Variants in NOP14 observed in about 807,000 individuals in gnomAD.
NOP14 encodes nucleolar protein 14.
Under a neutral mutation model 101.6 loss-of-function variants are expected in NOP14, and 57 were observed. The observed-to-expected ratio is 0.56, with a 90% CI of 0.45 to 0.70. NOP14 has a LOEUF of 0.70. Ranked by LOEUF, NOP14 falls within the 30% of genes least tolerant of loss-of-function variation. The probability of loss-of-function intolerance (pLI) is 0.00; values close to 1 mark genes in which losing one functional copy is unlikely to be tolerated. For missense variants in NOP14, 1,134 were observed against 1,075.5 expected, an observed-to-expected ratio of 1.05 and a Z score of -0.76; for synonymous variants, 428 against 424.0, an observed-to-expected ratio of 1.01 and a Z score of -0.12.
intron 17 of NOP14, 114 bp from the exon 18 acceptor site, chr4:2,939,044 C>T: frequency 1.3e-6 from 2 of 1,484,390 alleles, no homozygotes; most frequent in South Asian, 1.2e-5. Flanking sequence ...TCAGTTCAAA[C>T]AGGGGGAAGT....
Position 2,942,314 on chromosome 4 carries a change from C to T in NOP14, c.1929G>A (p.Lys643=). The T allele has an allele frequency of 6.2e-7, 1 of 1,614,140 alleles. No individual in the cohort carries two copies. The highest frequency in any genetic ancestry group is 1.1e-5 in the South Asian group (1 of 91,076). ...TLVHPFRALG[K]NSELLVVSAR... ...CAGACACCACGAGCAGTTCCGAGTT[C>T]TTCCCAAGCGCTCTGAAAGGGTGCA... The change falls in exon 14 of 18, where the codon AAG becomes AAA. Residue 643 remains lysine (K), a synonymous_variant. Transcript: ENST00000416614.
chr4:2,960,172 G>A (rs1182711674), intron 1 of NOP14, among the ~76,000 whole-genome samples: 4 of 151,876 alleles, frequency 2.6e-5, no homozygotes, highest in African/African-American at 4.8e-5. Context: ...GGGTTTCACC[G>A]TGTTGCCCAG....
Position 2,949,981 on chromosome 4 carries a change from T to C in NOP14, c.1235A>G (p.Glu412Gly), listed in dbSNP as rs933835892. Reference sequence around the variant, plus strand: ...GTCTCTGGTAGCTTTTCCAGCTCTTTCCTTGCCGCTTATCAACCCTTTCCC... The same window carrying C: ...GTCTCTGGTAGCTTTTCCAGCTCTTCCCTTGCCGCTTATCAACCCTTTCCC... ...TPGKGLISGKERAGKATRDEL... is the reference protein window; with the variant it reads ...TPGKGLISGKGRAGKATRDEL... Residue 412 changes from glutamate to glycine, a missense_variant, in exon 8 of 18, where the codon GAA becomes GGA. By Grantham distance (98) the Glu-to-Gly change is moderately conservative. Coordinates refer to ENST00000416614, the MANE Select transcript of NOP14 (RefSeq NM_001291978.2). 2 of 1,613,940 alleles carry C rather than the reference T, an allele frequency of 1.2e-6. No individual in the cohort carries two copies. The highest frequency in any genetic ancestry group is 2.7e-5 in the African/African-American group (2 of 74,868).
At chr4:2,960,652 T>C (rs951337755) in intron 1 of NOP14, among the ~76,000 whole-genome samples, 57 of 146,570 alleles carry the variant, frequency 3.9e-4, no homozygotes, top group African/African-American at 1.3e-3. Flanking sequence ...ATTAATATAG[T>C]TACTATATAT....
chr4:2,938,376 T>C lies in NOP14; in HGVS notation c.*455A>G, dbSNP rs775543058. 2.9e-4 allele frequency: 121 copies of C among 412,766 alleles called. No homozygotes were observed. Among genetic ancestry groups the C allele is most frequent in the African/African-American group, 1.2e-3 (58 of 47,452 alleles). 25.6% of individuals were successfully genotyped at this position (412,766 alleles called of 1,614,324 possible). A position where few individuals can be genotyped will look rare whatever the true frequency, so the allele number is the denominator to read the frequency against. On this transcript the variant is annotated 3_prime_UTR_variant, in exon 18 of 18. Coordinates refer to ENST00000416614, the MANE Select transcript of NOP14 (RefSeq NM_001291978.2). ...TCTCTACTAAAAATACAAAATTAGC[T>C]GGGCGTGGTGGCACATGTCTGTAAT...
intron 13 of NOP14, among the ~76,000 whole-genome samples, chr4:2,943,734 A>C (rs1487122804): frequency 1.3e-5 from 2 of 152,274 alleles, no homozygotes; most frequent in Non-Finnish European, 2.9e-5. Flanking sequence ...CAAATACCAA[A>C]ATATTATGAT....
intron 6 of NOP14, among the ~76,000 whole-genome samples, chr4:2,951,834 G>A (rs540139654): frequency 6.6e-6 from 1 of 152,226 alleles, no homozygotes; most frequent in African/African-American, 2.4e-5. Flanking sequence ...GGGGCCAGGC[G>A]CGGTGGCTCA....
In NOP14 at chr4:2,945,146, G is replaced by A; in HGVS notation, c.1719C>T (p.Leu573=). The A allele has an allele frequency of 6.3e-7, 1 of 1,589,594 alleles. No homozygotes were observed. The highest frequency in any genetic ancestry group is 8.6e-7 in the Non-Finnish European group (1 of 1,167,690). The stretch of plus-strand genomic sequence containing the variant: ...AACGCACCTTGGTGAGCAGCTGACT[G>A]AGGCACACGAGGGCAGGGGTCACCA... The part of the protein sequence containing the change: ...HPVVTPALVC[L]SQLLTKCPIL... The change falls in exon 12 of 18, where the codon CTC becomes CTT. Residue 573 remains leucine (L), a synonymous_variant. Coordinates refer to ENST00000416614, the MANE Select transcript of NOP14 (RefSeq NM_001291978.2).
Position 2,938,225 on chromosome 4 carries a change from T to C in NOP14, c.*606A>G, listed in dbSNP as rs767533047. The C allele has an allele frequency of 1.0e-4, 135 of 1,289,054 alleles. No individual in the cohort carries two copies. The African/African-American group carries it at 1.8e-3, about 17-fold the overall frequency. The allele number at this position is 1,289,054 out of a possible 1,614,324, so 79.9% of individuals were successfully genotyped here. On this transcript the variant is annotated 3_prime_UTR_variant, in exon 18 of 18. Transcript: ENST00000416614. ...AATCACACCAACATTATAGCATTAT[T>C]ACTCTAAAAAAAATTACTTTTTTGG...
Position 2,939,263 on chromosome 4 carries a change from A to G in NOP14, c.2399T>C (p.Phe800Ser). The G allele has an allele frequency of 6.2e-7, 1 of 1,613,944 alleles. No homozygotes were observed. Among genetic ancestry groups the G allele is most frequent in the Non-Finnish European group, 8.5e-7 (1 of 1,180,018 alleles). Reference sequence around the variant, plus strand: ...GCGGATTTCTCGAACGGCCCCTTTAAATTCACGCTTGTGTTTGTGGATCAG... The same window carrying G: ...GCGGATTTCTCGAACGGCCCCTTTAGATTCACGCTTGTGTTTGTGGATCAG... Reference protein sequence around the residue: ...KRLIHKHKREFKGAVREIRKD... With the variant: ...KRLIHKHKRESKGAVREIRKD... The change falls in exon 17 of 18, where the codon TTT (phenylalanine) becomes TCT (serine). Residue 800 changes from phenylalanine (F) to serine (S), a missense_variant. Phe to Ser is a radical substitution (Grantham distance 155). Transcript: ENST00000416614.
intron 13 of NOP14, 126 bp downstream of exon 13, chr4:2,943,947 G>A: frequency 2.8e-6 from 2 of 721,776 alleles, no homozygotes; most frequent in Non-Finnish European, 4.6e-6. Flanking sequence ...CAGACAGTGC[G>A]GCGGGTGGCA....
intron 8 of NOP14, among the ~76,000 whole-genome samples, chr4:2,949,029 C>A (rs372642585): frequency 3.9e-5 from 6 of 152,146 alleles, no homozygotes; most frequent in African/African-American, 1.4e-4. Context: ...GGGTTTAGTG[C>A]CCAGACTGCT....
At chr4:2,946,329 A>T in intron 11 of NOP14, 83 bp downstream of exon 11, 1 of 1,502,700 alleles carries the variant, frequency 6.7e-7, no homozygotes, top group Non-Finnish European at 9.2e-7. Context: ...TACAGCCAAG[A>T]GCATCGTACC....
In NOP14 at chr4:2,957,985, A is replaced by T. The variant is rs16843682; in HGVS notation, c.196-245T>A. ...TTCTTTAGAGTCTACCGGTGCCAAA[A>T]GGAAGGGTAAAAAAGAACACACTAG... On this transcript the variant is annotated intron_variant, in intron 1 of 17. Coordinates refer to ENST00000416614, the MANE Select transcript of NOP14 (RefSeq NM_001291978.2). Among the ~76,000 whole-genome samples, 1,568 of 152,306 alleles carry T rather than the reference A, an allele frequency of 0.01. 29 individuals carry two copies. Among genetic ancestry groups the T allele is most frequent in the African/African-American group, 0.036 (1,508 of 41,574 alleles).
chr4:2,945,567 C>T (rs1168051793), intron 11 of NOP14, among the ~76,000 whole-genome samples: 1 of 152,216 alleles, frequency 6.6e-6, no homozygotes, highest in East Asian at 1.9e-4. Context: ...TCCATTTCAA[C>T]ACAAACACCA....
chr4:2,941,567 G>GC lies in NOP14; in HGVS notation c.2199+14dup. The GC allele has an allele frequency of 6.2e-7, 1 of 1,609,590 alleles. No homozygotes were observed. Among genetic ancestry groups the GC allele is most frequent in the Non-Finnish European group, 8.5e-7 (1 of 1,178,996 alleles). ...TGAGCCCAGGCAGAGCACCCTAGTG[G>GC]CCGGGAAGCCTCACCTGGAGCTCCT... On this transcript the variant is annotated intron_variant, in intron 15 of 17. Coordinates refer to ENST00000416614, the MANE Select transcript of NOP14 (RefSeq NM_001291978.2).
intron 10 of NOP14, 122 bp from the exon 11 acceptor site, chr4:2,946,669 C>T (rs538096975): frequency 3.6e-5 from 29 of 813,436 alleles, no homozygotes; most frequent in East Asian, 7.9e-5. Flanking sequence ...TGGATGAATC[C>T]GCTTTTTCTA....
chr4:2,945,232 GGAAA>G lies in NOP14; in HGVS notation c.1636-7_1636-4del. 6.4e-7 allele frequency: 1 copy of G among 1,559,242 alleles called. No individual in the cohort carries two copies. ...CCAGTGATTTTCAAATAAATGAGCT[GGAAA>G]GAAAGTGTTACCACAGGTTAAAGAA... On this transcript the variant is annotated splice_polypyrimidine_tract_variant and splice_region_variant and intron_variant, in intron 11 of 17. Transcript: ENST00000416614.
Position 2,937,991 on chromosome 4 carries a change from A to G in NOP14, c.*840T>C. 4.5e-6 allele frequency: 1 copy of G among 223,064 alleles called. No homozygotes were observed. The highest frequency in any genetic ancestry group is 9.2e-6 in the Non-Finnish European group (1 of 108,736). 13.8% of individuals were successfully genotyped at this position (223,064 alleles called of 1,614,324 possible). On this transcript the variant is annotated 3_prime_UTR_variant, in exon 18 of 18. Transcript: ENST00000416614. ...TAACAACAGTAAATTCTACACATGA[A>G]GGCAAACGTCCGTGGTTGACAGAAA...
Sources: allele counts gnomAD v4.1 joint callset (sites outside exome capture counted in the v4.1 genomes callset), GRCh38; gene constraint gnomAD v4.1.1; transcripts MANE v1.5; gene names NCBI Gene and HGNC (gene_info 2026-07-23, HGNC 2026-07-21).